The following CNTNAP5 variants were observed in gnomAD, a reference collection of about 807,000 sequenced individuals.
CNTNAP5 encodes contactin-associated protein-like 5.
CNTNAP5 carries 72 observed loss-of-function variants against 150.2 expected under a neutral mutation model. The ratio of observed to expected loss-of-function variants is 0.48; its 90% CI spans 0.40 to 0.58. CNTNAP5 has a LOEUF of 0.58. Ranked by LOEUF, CNTNAP5 falls within the 20% of genes least tolerant of loss-of-function variation. The pLI is 0.00. For missense variants in CNTNAP5, 1,636 were observed against 1,626.2 expected (o/e 1.01, Z -0.10); for synonymous variants, 672 against 619.8 (o/e 1.08, Z -1.25).
intron 17 of CNTNAP5, among the ~76,000 whole-genome samples, chr2:124,773,264 T>C (rs921861158): frequency 2.6e-5 from 4 of 152,172 alleles, no homozygotes; most frequent in Non-Finnish European, 5.9e-5. Flanking sequence ...CTTTTTGTAA[T>C]ATTGTCTTCA....
intron 13 of CNTNAP5, among the ~76,000 whole-genome samples, chr2:124,703,301 T>A (rs890541570): frequency 1.3e-5 from 2 of 151,616 alleles, no homozygotes; most frequent in African/African-American, 2.4e-5. Context: ...GAAAGAATCA[T>A]TGGTTTTTAG....
intron 14 of CNTNAP5, among the ~76,000 whole-genome samples, chr2:124,757,887 A>G (rs1680874499): frequency 6.6e-6 from 1 of 152,240 alleles, no homozygotes; most frequent in South Asian, 2.1e-4. Flanking sequence ...GTGATTTAAA[A>G]TAGAATTTTA....
chr2:124,346,107 G>A (rs898231564), intron 3 of CNTNAP5, among the ~76,000 whole-genome samples: 43 of 152,122 alleles, frequency 2.8e-4, no homozygotes, highest in Non-Finnish European at 5.9e-5. Context: ...AAACTAAGGT[G>A]TACTTAAGAT....
intron 13 of CNTNAP5, among the ~76,000 whole-genome samples, chr2:124,707,813 C>T (rs763875112): frequency 4.6e-5 from 7 of 152,104 alleles, no homozygotes; most frequent in Non-Finnish European, 1.0e-4. Context: ...TGTCATCAGC[C>T]TCAAGTATCG....
At chr2:124,386,807 G>A (rs1248367982) in intron 3 of CNTNAP5, among the ~76,000 whole-genome samples, 1 of 146,668 alleles carries the variant, frequency 6.8e-6, no homozygotes, top group Non-Finnish European at 1.5e-5. Flanking sequence ...GCAATGGAGT[G>A]GATGTTTGTG....
rs59128925 is a variant in CNTNAP5, at chr2:124,264,419, C to G, written c.381+22026C>G. Among the ~76,000 whole-genome samples the G allele has an allele frequency of 2.0e-5, 3 of 151,322 alleles. No individual in the cohort carries two copies. The Admixed American group carries it at 2.0e-4, about 10-fold the overall frequency. On this transcript the variant is annotated intron_variant, in intron 3 of 23. Transcript: ENST00000682447. ...ACACACACACACACACACACACACA[C>G]ACACACACACACACCAATCGCCATG...
chr2:124,379,127 T>A (rs1004192403), intron 3 of CNTNAP5, among the ~76,000 whole-genome samples: 1 of 150,948 alleles, frequency 6.6e-6, no homozygotes, highest in Non-Finnish European at 1.5e-5. Context: ...AGGTACCTTT[T>A]TTTTTGTTTT....
intron 1 of CNTNAP5, among the ~76,000 whole-genome samples, chr2:124,162,717 A>C (rs1684714428): frequency 6.6e-6 from 1 of 152,212 alleles, no homozygotes; most frequent in South Asian, 2.1e-4. Context: ...AGAGAAAAAC[A>C]CTAATTTTTG....
chr2:124,295,193 A>G (rs561111441), intron 3 of CNTNAP5, among the ~76,000 whole-genome samples: 1 of 151,482 alleles, frequency 6.6e-6, no homozygotes, highest in Non-Finnish European at 1.5e-5. Flanking sequence ...CATGGTTCTC[A>G]GGTTGATTTC....
At chr2:124,576,162 CTATATCTATATA>C (rs1347122948) in intron 11 of CNTNAP5, among the ~76,000 whole-genome samples, 50 of 152,018 alleles carry the variant, frequency 3.3e-4, no homozygotes, top group Admixed American at 1.4e-3. Flanking sequence ...ATATCTATAT[CTATATCTATATA>C]TATGTGCAGA....
rs557897379 is a variant in CNTNAP5 at position 124,388,229 on chromosome 2, C to A, written c.382-29214C>A. 1.3e-3 allele frequency among the ~76,000 whole-genome samples: 193 copies of A among 152,314 alleles called. 1 individual carries two copies. The highest frequency in any genetic ancestry group is 3.4e-3 in the Middle Eastern group (1 of 294). On this transcript the variant is annotated intron_variant, in intron 3 of 23. Coordinates refer to ENST00000682447, the MANE Select transcript of CNTNAP5 (RefSeq NM_001367498.1). Reference sequence around the variant, plus strand: ...GGACTCCAGAGATGTGAGGCTTAGGCATGAGCCAAGGTGCTGTCAGATGGT... The same window carrying A: ...GGACTCCAGAGATGTGAGGCTTAGGAATGAGCCAAGGTGCTGTCAGATGGT...
intron 7 of CNTNAP5, among the ~76,000 whole-genome samples, chr2:124,483,957 C>A (rs1321438588): frequency 6.6e-6 from 1 of 152,152 alleles, no homozygotes; most frequent in Non-Finnish European, 1.5e-5. Context: ...ATGGTTTGAC[C>A]CTTACTTTTT....
chr2:124,257,564 T>C (rs1473190038), intron 3 of CNTNAP5, among the ~76,000 whole-genome samples: 2 of 152,196 alleles, frequency 1.3e-5, no homozygotes, highest in African/African-American at 4.8e-5. Context: ...TCTTTCAAGA[T>C]CTAGTTCAGC....
chr2:124,266,336 A>G lies in CNTNAP5; in HGVS notation c.381+23943A>G, dbSNP rs193229035. ...TTTTTAAGAACTAAATCAACATATT[A>G]TATTAAACTGAGTGGATGAAATCAA... On this transcript the variant is annotated intron_variant, in intron 3 of 23. Transcript: ENST00000682447. Among the ~76,000 whole-genome samples, 1,198 of 152,320 alleles carry G rather than the reference A, an allele frequency of 7.9e-3. 12 individuals carry two copies. Among genetic ancestry groups the G allele is most frequent in the Non-Finnish European group, 7.5e-3 (513 of 68,022 alleles).
At chr2:124,241,722 A>G in intron 2 of CNTNAP5, among the ~76,000 whole-genome samples, 1 of 152,190 alleles carries the variant, frequency 6.6e-6, no homozygotes, top group East Asian at 1.9e-4. Context: ...TGACCATGAT[A>G]GGTTCATAGT....
intron 3 of CNTNAP5, among the ~76,000 whole-genome samples, chr2:124,366,249 C>T (rs575437228): frequency 1.2e-3 from 185 of 152,274 alleles, no homozygotes; most frequent in African/African-American, 4.2e-3. Flanking sequence ...TGCAGCACTG[C>T]ATATAAAGCA....
intron 1 of CNTNAP5, among the ~76,000 whole-genome samples, chr2:124,162,846 A>G (rs964423066): frequency 1.3e-5 from 2 of 151,152 alleles, no homozygotes; most frequent in Non-Finnish European, 3.0e-5. Context: ...CATGTTTTTT[A>G]TGCATGCCAC....
In CNTNAP5 at chr2:124,767,193, C is replaced by T. The variant is rs985814973; in HGVS notation, c.2533+3046C>T. On this transcript the variant is annotated intron_variant, in intron 16 of 23. Transcript: ENST00000682447. Reference sequence around the variant, plus strand: ...GCTCAGAATAGATTTCCCTCTCATCCGCAAGGAGTGTTCCTCTAAAACTAT... The same window carrying T: ...GCTCAGAATAGATTTCCCTCTCATCTGCAAGGAGTGTTCCTCTAAAACTAT... Among the ~76,000 whole-genome samples the T allele has an allele frequency of 7.9e-5, 12 of 152,234 alleles. No individual in the cohort carries two copies. The South Asian group carries it at 8.3e-4, about 11-fold the overall frequency.
intron 3 of CNTNAP5, among the ~76,000 whole-genome samples, chr2:124,410,472 C>G (rs531725843): frequency 1.9e-4 from 28 of 146,872 alleles, no homozygotes; most frequent in East Asian, 1.0e-3. Flanking sequence ...TGACCACATA[C>G]TTGGAAGTAA....
Sources: gnomAD v4.1 joint callset for allele counts (sites outside exome capture counted in the v4.1 genomes callset) on GRCh38, gnomAD v4.1.1 for gene constraint, MANE v1.5 for transcripts, NCBI Gene and HGNC (gene_info 2026-07-23, HGNC 2026-07-21) for gene names.